Variants in KCNIP4 observed in about 807,000 individuals in gnomAD.
KCNIP4 encodes Kv channel-interacting protein 4.
KCNIP4 carries 12 observed loss-of-function variants against 34.0 expected under a neutral mutation model. That is an observed-to-expected ratio of 0.35 (90% CI 0.23 to 0.57). KCNIP4 has a LOEUF of 0.57. Among genes scored for constraint, KCNIP4 ranks in the 20% least tolerant of loss-of-function variants. The pLI is 0.83. For synonymous variants in KCNIP4, 124 were observed against 102.2 expected (o/e 1.21, Z -1.29); for missense variants, 238 against 311.7 (o/e 0.76, Z 1.78).
intron 3 of KCNIP4, among the ~76,000 whole-genome samples, chr4:20,778,577 C>A (rs1756579619): frequency 6.6e-6 from 1 of 152,134 alleles, no homozygotes; most frequent in Non-Finnish European, 1.5e-5. Context: ...GATGATACTA[C>A]TGGGGGAAAT....
At chr4:21,654,434 G>A (rs1747756124) in intron 1 of KCNIP4, among the ~76,000 whole-genome samples, 1 of 152,178 alleles carries the variant, frequency 6.6e-6, no homozygotes, top group South Asian at 2.1e-4. Context: ...CTAGGAAAAG[G>A]AGTGTCTTTT....
At chr4:21,570,441 T>G (rs2109050770) in intron 1 of KCNIP4, among the ~76,000 whole-genome samples, 1 of 152,262 alleles carries the variant, frequency 6.6e-6, no homozygotes, top group East Asian at 1.9e-4. Flanking sequence ...GATAGAAATG[T>G]TAACGTGAAC....
intron 1 of KCNIP4, among the ~76,000 whole-genome samples, chr4:21,573,781 C>T (rs1409052889): frequency 1.3e-5 from 2 of 152,082 alleles, no homozygotes; most frequent in Admixed American, 1.3e-4. Context: ...TGATCAATTT[C>T]CAATGATTAT....
intron 1 of KCNIP4, among the ~76,000 whole-genome samples, chr4:21,938,717 G>T (rs1421324771): frequency 1.3e-5 from 2 of 152,070 alleles, no homozygotes; most frequent in Non-Finnish European, 2.9e-5. Context: ...ATACGATGGG[G>T]TCCTAGGAAG....
At chr4:21,348,897 A>AG (rs373700026) in intron 1 of KCNIP4, among the ~76,000 whole-genome samples, 1 of 152,312 alleles carries the variant, frequency 6.6e-6, no homozygotes, top group African/African-American at 2.4e-5. Context: ...TCCAAGGTAG[A>AG]GAGGAATCAA....
intron 1 of KCNIP4, among the ~76,000 whole-genome samples, chr4:21,333,978 C>G (rs1314767611): frequency 6.6e-6 from 1 of 152,112 alleles, no homozygotes; most frequent in African/African-American, 2.4e-5. Flanking sequence ...TGTTATTTTC[C>G]TAAGTGTGCT....
At chr4:21,783,921 AT>A (rs1719735136) in intron 1 of KCNIP4, among the ~76,000 whole-genome samples, 1 of 152,170 alleles carries the variant, frequency 6.6e-6, no homozygotes, top group Admixed American at 6.5e-5. Flanking sequence ...GACCAAAAAT[AT>A]TTTTCATAAG....
chr4:21,323,604 T>C (rs1714723861), intron 1 of KCNIP4, among the ~76,000 whole-genome samples: 1 of 152,148 alleles, frequency 6.6e-6, no homozygotes, highest in South Asian at 2.1e-4. Flanking sequence ...CTCAATCATT[T>C]TTATGGCTGA....
At chr4:20,902,462 G>A (rs1047903825) in intron 1 of KCNIP4, among the ~76,000 whole-genome samples, 1 of 152,126 alleles carries the variant, frequency 6.6e-6, no homozygotes, top group Admixed American at 6.6e-5. Flanking sequence ...CAGCCAGCAA[G>A]GTATTAGGTT....
chr4:21,753,757 T>C (rs77556689), intron 1 of KCNIP4, among the ~76,000 whole-genome samples: 1,608 of 152,232 alleles, frequency 0.011, 19 homozygotes, highest in Non-Finnish European at 0.015. Context: ...CAAGAAAACT[T>C]TTTATTGAAG....
intron 3 of KCNIP4, among the ~76,000 whole-genome samples, chr4:20,842,348 G>A (rs1051234638): frequency 2.6e-5 from 4 of 151,974 alleles, no homozygotes; most frequent in African/African-American, 4.8e-5. Flanking sequence ...CCTTCAGAGG[G>A]GTGCACTTCA....
intron 1 of KCNIP4, among the ~76,000 whole-genome samples, chr4:20,902,925 CAAGAAACATGG>C (rs1310584170): frequency 6.6e-6 from 1 of 152,178 alleles, no homozygotes; most frequent in African/African-American, 2.4e-5. Context: ...CTGAGTGAAA[CAAGAAACATGG>C]AAAATGCTTT....
At chr4:21,482,677 A>G (rs2109837061) in intron 1 of KCNIP4, among the ~76,000 whole-genome samples, 1 of 152,208 alleles carries the variant, frequency 6.6e-6, no homozygotes, top group East Asian at 1.9e-4. Context: ...CTGCTGAGAG[A>G]TCAGCTGTTA....
intron 1 of KCNIP4, among the ~76,000 whole-genome samples, chr4:21,259,966 G>C (rs951045271): frequency 6.6e-6 from 1 of 151,008 alleles, no homozygotes; most frequent in Non-Finnish European, 1.5e-5. Context: ...CACTCAAACA[G>C]GATATTTGGA....
At chr4:21,946,513 G>T (rs1730519077) in intron 1 of KCNIP4, among the ~76,000 whole-genome samples, 1 of 152,136 alleles carries the variant, frequency 6.6e-6, no homozygotes, top group South Asian at 2.1e-4. Flanking sequence ...CTCATCCCAG[G>T]ATTAGTAAAG....
At chr4:21,379,485 C>T (rs1451299782) in intron 1 of KCNIP4, among the ~76,000 whole-genome samples, 1 of 152,188 alleles carries the variant, frequency 6.6e-6, no homozygotes, top group African/African-American at 2.4e-5. Flanking sequence ...TCACTCAACA[C>T]TTCCAACAAT....
intron 1 of KCNIP4, among the ~76,000 whole-genome samples, chr4:21,450,552 C>G (rs187977808): frequency 1.9e-4 from 29 of 151,732 alleles, no homozygotes; most frequent in African/African-American, 6.3e-4. Context: ...AAAAAGATGA[C>G]GAAGTAAAGG....
chr4:21,745,194 T>C (rs909480718), intron 1 of KCNIP4, among the ~76,000 whole-genome samples: 2 of 152,138 alleles, frequency 1.3e-5, no homozygotes, highest in African/African-American at 4.8e-5. Context: ...AGGAAGACTT[T>C]AAGCATTTTA....
chr4:21,220,029 T>C (rs965888438), intron 1 of KCNIP4, among the ~76,000 whole-genome samples: 2 of 152,164 alleles, frequency 1.3e-5, no homozygotes, highest in African/African-American at 4.8e-5. Context: ...TTATGAAAAA[T>C]AGTGTCCAAG....
Sources: gnomAD v4.1 joint callset for allele counts (sites outside exome capture counted in the v4.1 genomes callset) on GRCh38, gnomAD v4.1.1 for gene constraint, MANE v1.5 for transcripts, NCBI Gene and HGNC (gene_info 2026-07-23, HGNC 2026-07-21) for gene names.